POR: variants seen among roughly 807,000 people sequenced by gnomAD.
The protein encoded by POR is NADPH--cytochrome P450 reductase.
Under a neutral mutation model 84.0 loss-of-function variants are expected in POR, and 56 were observed. That is an observed-to-expected ratio of 0.67 (90% CI 0.54 to 0.83). The LOEUF (loss-of-function observed/expected upper bound fraction) is 0.83. POR is among the 40% of genes least tolerant of loss of function. POR has a pLI of 0.00. For missense variants in POR, 938 were observed against 944.3 expected (o/e 0.99, Z 0.09); for synonymous variants, 414 against 400.5 (o/e 1.03, Z -0.40).
At chr7:75,985,354 C>A (rs909340235) in intron 12 of POR, 147 bp downstream of exon 12, 4 of 1,200,832 alleles carry the variant, frequency 3.3e-6, no homozygotes, top group Non-Finnish European at 4.5e-6. Context: ...CCTCCCCAGG[C>A]TGTGGACTCA....
At chr7:75,978,300 T>C (rs1788790278) in intron 3 of POR, among the ~76,000 whole-genome samples, 1 of 152,138 alleles carries the variant, frequency 6.6e-6, no homozygotes, top group South Asian at 2.1e-4. Context: ...CTGAAAATAT[T>C]TGGAGAAAAA....
chr7:75,979,383 A>C (rs913081154), intron 3 of POR, 68 bp from the exon 4 acceptor site: 1 of 1,576,596 alleles, frequency 6.3e-7, no homozygotes, highest in African/African-American at 1.3e-5. Context: ...AGGCCTGCCC[A>C]GTGGGTGTTC....
chr7:75,935,556 G>A (rs1807627768), intron 1 of POR, among the ~76,000 whole-genome samples: 1 of 151,074 alleles, frequency 6.6e-6, no homozygotes, highest in Non-Finnish European at 1.5e-5. Flanking sequence ...GGAGGGACCG[G>A]TTTTTTAATT....
At chr7:75,946,673 G>A (rs1563410318) in intron 1 of POR, 4 of 152,414 alleles carry the variant, frequency 2.6e-5, no homozygotes, top group Admixed American at 2.6e-4. Flanking sequence ...GTGTGGCGGG[G>A]CTGTGGCAAG....
rs1210260354 is a variant in POR, at chr7:75,954,053, G to A, written c.61G>A (p.Glu21Lys). Residue 21 changes from glutamate (E) to lysine (K), a missense_variant, in exon 2 of 16, where the codon GAA becomes AAA. By Grantham distance (56) the Glu-to-Lys change is moderately conservative. Coordinates refer to ENST00000461988, the MANE Select transcript of POR (RefSeq NM_000941.3). ...CTCCACCGTGTCCGAGGCGGTGGCCGAAGAAGTATCTCTTTTCAGCATGAC... is the reference window on the plus strand; with the variant it reads ...CTCCACCGTGTCCGAGGCGGTGGCCAAAGAAGTATCTCTTTTCAGCATGAC... The A allele has an allele frequency of 1.7e-5, 27 of 1,611,114 alleles. 1 individual carries two copies. The highest frequency in any genetic ancestry group is 1.6e-4 in the Middle Eastern group (1 of 6,066).
chr7:75,984,191 C>T (rs888349655), intron 10 of POR, among the ~76,000 whole-genome samples: 31 of 152,218 alleles, frequency 2.0e-4, no homozygotes, highest in African/African-American at 6.5e-4. Flanking sequence ...CCACCTCTGC[C>T]GGCCTGGGGC....
At chr7:75,933,376 GTTTTTTTT>G (rs200575911) in intron 1 of POR, among the ~76,000 whole-genome samples, 1 of 92,112 alleles carries the variant, frequency 1.1e-5, no homozygotes, top group South Asian at 4.2e-4. Context: ...ATAGGTCTTT[GTTTTTTTT>G]TTTTTTTTTT....
chr7:75,970,123 C>T (rs566596729), intron 2 of POR, among the ~76,000 whole-genome samples: 15 of 151,992 alleles, frequency 9.9e-5, no homozygotes, highest in Non-Finnish European at 2.1e-4. Flanking sequence ...GAAATGGGGC[C>T]GGGCCACTGC....
intron 15 of POR, 23 bp from the exon 16 acceptor site, chr7:75,986,314 C>T (rs1789461113): frequency 1.2e-6 from 2 of 1,612,364 alleles, no homozygotes; most frequent in East Asian, 2.2e-5. Flanking sequence ...GCCCAGCCCC[C>T]AGCACCCCCT....
chr7:75,948,428 T>A (rs1563411084), intron 1 of POR, among the ~76,000 whole-genome samples: 1 of 152,192 alleles, frequency 6.6e-6, no homozygotes, highest in African/African-American at 2.4e-5. Context: ...AAGGAGCAGC[T>A]CCTGTTCGTT....
rs1322326058 is a variant in POR at position 75,949,817 on chromosome 7, GC to G, written c.-4-4169del. Reference sequence around the variant, plus strand: ...TTACAGGTGTGAGCCACCGTGCCCAGCCCATCTCAGGGTTTTGATCAGGGAG... The same window carrying G: ...TTACAGGTGTGAGCCACCGTGCCCAGCCATCTCAGGGTTTTGATCAGGGAG... On this transcript the variant is annotated intron_variant, in intron 1 of 15. Transcript: ENST00000461988. Among the ~76,000 whole-genome samples, 3 of 151,750 alleles carry G rather than the reference GC, an allele frequency of 2.0e-5. No individual in the cohort carries two copies. The East Asian group carries it at 5.8e-4, about 29-fold the overall frequency.
chr7:75,923,409 G>T (rs1351076641), intron 1 of POR: 6 of 685,700 alleles, frequency 8.8e-6, no homozygotes, highest in East Asian at 5.1e-5. Flanking sequence ...CTTCTTGGGG[G>T]TGTGTGCATC....
At chr7:75,959,383 G>A (rs1160692626) in intron 2 of POR, among the ~76,000 whole-genome samples, 1 of 152,178 alleles carries the variant, frequency 6.6e-6, no homozygotes, top group Non-Finnish European at 1.5e-5. Context: ...AGGGCTTAGT[G>A]TGAGGAAGGT....
chr7:75,924,576 G>T (rs782143610), intron 1 of POR, among the ~76,000 whole-genome samples: 2 of 152,038 alleles, frequency 1.3e-5, no homozygotes, highest in African/African-American at 2.4e-5. Flanking sequence ...GTGGTGGTGT[G>T]TACCTGTCAT....
intron 1 of POR, among the ~76,000 whole-genome samples, chr7:75,941,957 G>A (rs782293366): frequency 1.3e-5 from 2 of 151,932 alleles, no homozygotes; most frequent in East Asian, 1.9e-4. Flanking sequence ...CATGACTCAC[G>A]CCTCTAATCC....
rs782318066 is a variant in POR at position 75,954,065 on chromosome 7, C to T, written c.73C>T (p.Leu25Phe). The change falls in exon 2 of 16, where the codon CTT (leucine) becomes TTT (phenylalanine). Residue 25 changes from leucine to phenylalanine, a missense_variant. Transcript: ENST00000461988. ...CGAGGCGGTGGCCGAAGAAGTATCT[C>T]TTTTCAGCATGACGGACATGATTCT... 20 of 1,612,374 alleles carry T rather than the reference C, an allele frequency of 1.2e-5. No individual in the cohort carries two copies. The highest frequency in any genetic ancestry group is 1.7e-5 in the Non-Finnish European group (20 of 1,179,238).
At chr7:75,932,382 G>A (rs940840993) in intron 1 of POR, among the ~76,000 whole-genome samples, 15 of 151,910 alleles carry the variant, frequency 9.9e-5, no homozygotes, top group Non-Finnish European at 1.3e-4. Flanking sequence ...GGGATTTGTT[G>A]TGTTGCCCAG....
intron 2 of POR, among the ~76,000 whole-genome samples, chr7:75,955,574 G>A (rs781814717): frequency 2.6e-5 from 4 of 152,246 alleles, no homozygotes; most frequent in African/African-American, 4.8e-5. Flanking sequence ...AACTCCAGGG[G>A]CACGGGCCTG....
At chr7:75,916,835 T>G (rs987754289) in intron 1 of POR, among the ~76,000 whole-genome samples, 3 of 151,838 alleles carry the variant, frequency 2.0e-5, no homozygotes, top group African/African-American at 7.3e-5. Flanking sequence ...TAGTAGGAGT[T>G]TATAAATGCC....
Sources: allele counts gnomAD v4.1 joint callset (sites outside exome capture counted in the v4.1 genomes callset), GRCh38; gene constraint gnomAD v4.1.1; transcripts MANE v1.5; gene names NCBI Gene and HGNC (gene_info 2026-07-23, HGNC 2026-07-21).